Variants in ZNF716 observed in about 807,000 individuals in gnomAD.
ZNF716 encodes zinc finger protein 716.
In ZNF716, 9 loss-of-function variants were observed where a neutral mutation model predicts 13.4. The observed-to-expected ratio is 0.67, with a 90% confidence interval of 0.41 to 1.18. ZNF716 has a LOEUF of 1.18. Ranked by LOEUF, ZNF716 falls within the 50% of genes most tolerant of loss-of-function variation. The pLI, the probability that ZNF716 is intolerant of heterozygous loss-of-function variation, is 0.01. For missense variants in ZNF716, 581 were observed against 576.6 expected (o/e 1.01, Z -0.08); for synonymous variants, 186 against 195.2 (o/e 0.95, Z 0.39).
chr7:57,462,625 C>T (rs782682337), intron 2 of ZNF716, 39 bp downstream of exon 2: 1 of 1,548,478 alleles, frequency 6.5e-7, no homozygotes, highest in East Asian at 2.2e-5. Context: ...AATATATTGC[C>T]TTTCTCTCTT....
chr7:57,457,579 G>A (rs1373952751), intron 1 of ZNF716, among the ~76,000 whole-genome samples: 3 of 152,060 alleles, frequency 2.0e-5, no homozygotes, highest in African/African-American at 7.2e-5. Flanking sequence ...CCTGGCCTCA[G>A]GTGATCTGCC....
At position 57,470,191 on chromosome 7, in the gene ZNF716, G is replaced by T; in HGVS notation, c.*242G>T. ...TTTAAAAAAATTTTTTTGAGACAGA[G>T]TCTCACTTTGTCACCCAGGCTGGAG... On this transcript the variant is annotated 3_prime_UTR_variant, in exon 4 of 4. Transcript: ENST00000420713. The T allele has an allele frequency of 3.2e-6, 1 of 315,818 alleles. No individual in the cohort carries two copies. The highest frequency in any genetic ancestry group is 5.7e-6 in the Non-Finnish European group (1 of 176,934). 19.6% of individuals were successfully genotyped at this position (315,818 alleles called of 1,614,324 possible).
Position 57,468,707 on chromosome 7 carries a change from A to AT in ZNF716, c.263-12dup, listed in dbSNP as rs782683358. ...AGTGTAGTAAGTGGAGAAACTTGTG[A>AT]TTTTTATGTCTTTCAGTTACATGTT... On this transcript the variant is annotated splice_polypyrimidine_tract_variant and intron_variant, in intron 3 of 3. Transcript: ENST00000420713. 1 of 1,583,986 alleles carries AT rather than the reference A, an allele frequency of 6.3e-7. No homozygotes were observed. Among genetic ancestry groups the AT allele is most frequent in the East Asian group, 2.2e-5 (1 of 44,724 alleles).
At chr7:57,463,245 G>T in intron 3 of ZNF716, 77 bp downstream of exon 3, 1 of 1,572,286 alleles carries the variant, frequency 6.4e-7, no homozygotes, top group Non-Finnish European at 8.6e-7. Context: ...CTTAAAATGT[G>T]GTCTGGGGAG....
Position 57,468,922 on chromosome 7 carries a change from A to G in ZNF716, c.461A>G (p.Asn154Ser), listed in dbSNP as rs782557225. The G allele has an allele frequency of 1.7e-5, 28 of 1,612,580 alleles. No individual in the cohort carries two copies. The East Asian group carries it at 6.0e-4, about 35-fold the overall frequency. Reference protein sequence around the residue: ...YVNQCLSATQNKTFQTHKCVK... With the variant: ...YVNQCLSATQSKTFQTHKCVK... ...AACCAATGTTTGTCAGCTACCCAAA[A>G]CAAAACATTTCAGACTCATAAATGC... The change falls in exon 4 of 4, where the codon AAC (asparagine) becomes AGC (serine). Residue 154 changes from asparagine to serine, a missense_variant. By Grantham distance (46) the Asn-to-Ser change is conservative. Transcript: ENST00000420713.
Position 57,450,228 on chromosome 7 carries a change from G to A in ZNF716, c.-61G>A. Reference sequence around the variant, plus strand: ...CCAGTCCTTCTCTTCACTGCTCTGCGTCCTCTGCTCCTGGAGGCCAAGCCT... The same window carrying A: ...CCAGTCCTTCTCTTCACTGCTCTGCATCCTCTGCTCCTGGAGGCCAAGCCT... On this transcript the variant is annotated 5_prime_UTR_variant, in exon 1 of 4. Transcript: ENST00000420713. 1.2e-6 allele frequency: 2 copies of A among 1,611,230 alleles called. No homozygotes were observed. The highest frequency in any genetic ancestry group is 8.5e-7 in the Non-Finnish European group (1 of 1,178,184).
chr7:57,455,500 C>T (rs1554322111), intron 1 of ZNF716, among the ~76,000 whole-genome samples: 1 of 148,712 alleles, frequency 6.7e-6, no homozygotes, highest in Non-Finnish European at 1.5e-5. Flanking sequence ...GTGAAGACCA[C>T]AAAGGATGGA....
intron 3 of ZNF716, among the ~76,000 whole-genome samples, chr7:57,464,004 A>G (rs1554323611): frequency 1.3e-5 from 2 of 148,162 alleles, no homozygotes. Flanking sequence ...TTGTATTGTG[A>G]TTTTGTTTTG....
rs2116433247 is a variant in ZNF716 at position 57,473,508 on chromosome 7, A to G, written c.*3559A>G. 7.8e-6 allele frequency: 1 copy of G among 127,998 alleles called. No individual in the cohort carries two copies. The highest frequency in any genetic ancestry group is 3.0e-5 in the African/African-American group (1 of 33,584). The allele number at this position is 127,998 out of a possible 1,614,324, so 7.9% of individuals were successfully genotyped here. The stretch of plus-strand genomic sequence containing the variant: ...GCACTCCAGCCTGGGTGAAAGAGCG[A>G]GAAACCATCTCAAAAAAAAAAATAA... On this transcript the variant is annotated 3_prime_UTR_variant, in exon 4 of 4. Coordinates refer to ENST00000420713, the MANE Select transcript of ZNF716 (RefSeq NM_001159279.1).
Position 57,469,780 on chromosome 7 carries a change from A to C in ZNF716, c.1319A>C (p.Glu440Ala), listed in dbSNP as rs192253742. The change falls in exon 4 of 4, where the codon GAA (glutamate) becomes GCA (alanine). Residue 440 changes from glutamate to alanine, a missense_variant. Physicochemically the swap from Glu to Ala is moderately radical, Grantham distance 107. Coordinates refer to ENST00000420713, the MANE Select transcript of ZNF716 (RefSeq NM_001159279.1). ...GGAGAGAAACTCTACAAATGTAAAG[A>C]ATGTGGGAAAGCCTTTACCTTCTCC... ...HTGEKLYKCK[E>A]CGKAFTFSST... 778 of 1,608,674 alleles carry C rather than the reference A, an allele frequency of 4.8e-4. 3 individuals are homozygous for C. In the African/African-American group the frequency reaches 7.9e-3, roughly 16 times the overall value.
At chr7:57,468,547 G>T (rs1408864171) in intron 3 of ZNF716, among the ~76,000 whole-genome samples, 177 bp from the exon 4 acceptor site, 24 of 152,034 alleles carry the variant, frequency 1.6e-4, no homozygotes, top group African/African-American at 5.8e-4. Context: ...TTCCCACAAA[G>T]GTATTTTGAT....
Position 57,451,770 on chromosome 7 carries a change from C to CTT in ZNF716, c.39+1456_39+1457dup, listed in dbSNP as rs76825087. ...GCCTGCGTTTTTCAACTCTTTCTTT[C>CTT]TTTTTTTTTTTTTTGAGATGGAGTC... On this transcript the variant is annotated intron_variant, in intron 1 of 3. Coordinates refer to ENST00000420713, the MANE Select transcript of ZNF716 (RefSeq NM_001159279.1). 9.0e-3 allele frequency among the ~76,000 whole-genome samples: 1,219 copies of CTT among 136,120 alleles called. 16 individuals are homozygous for CTT. The highest frequency in any genetic ancestry group is 0.024 in the African/African-American group (876 of 36,778). The allele number at this position is 136,120 out of a possible 152,430, so 89.3% of individuals were successfully genotyped here. A position where few individuals can be genotyped will look rare whatever the true frequency, so the allele number is the denominator to read the frequency against.
intron 3 of ZNF716, among the ~76,000 whole-genome samples, chr7:57,464,223 A>G (rs1438206996): frequency 6.7e-6 from 1 of 148,452 alleles, no homozygotes; most frequent in Non-Finnish European, 1.5e-5. Flanking sequence ...CCACATCCAA[A>G]TGATTCGCCT....
At chr7:57,459,624 T>C (rs1472110148) in intron 1 of ZNF716, among the ~76,000 whole-genome samples, 1 of 152,120 alleles carries the variant, frequency 6.6e-6, no homozygotes, top group African/African-American at 2.4e-5. Context: ...AGGGCCAAGA[T>C]TACCAAGTGA....
intron 1 of ZNF716, 44 bp from the exon 2 acceptor site, chr7:57,462,416 G>C: frequency 1.3e-6 from 2 of 1,593,332 alleles, no homozygotes; most frequent in Non-Finnish European, 1.7e-6. Flanking sequence ...AACTGTTTGT[G>C]TGTTCATGAG....
At chr7:57,468,600 G>A (rs751177167) in intron 3 of ZNF716, 124 bp from the exon 4 acceptor site, 52 of 956,624 alleles carry the variant, frequency 5.4e-5, no homozygotes, top group Admixed American at 1.8e-4. Context: ...AAGGAATTAC[G>A]GCTTGTGGTA....
chr7:57,469,450 G>T lies in ZNF716; in HGVS notation c.989G>T (p.Gly330Val), dbSNP rs782787432. The T allele has an allele frequency of 1.2e-6, 2 of 1,613,802 alleles. No homozygotes were observed. The highest frequency in any genetic ancestry group is 1.7e-5 in the Admixed American group (1 of 59,916). ...GERPYKCEEC[G>V]KAFSLSSTLK... is the part of the protein sequence containing the mutation. ...AGACCCTACAAATGTGAAGAATGTG[G>T]CAAAGCCTTTAGCTTATCCTCAACC... Residue 330 changes from glycine (G) to valine (V), a missense_variant, in exon 4 of 4, where the codon GGC (glycine) becomes GTC (valine). Physicochemically the swap from Gly to Val is moderately radical, Grantham distance 109 (BLOSUM62 -3). Transcript: ENST00000420713.
chr7:57,456,839 G>C (rs1196473248), intron 1 of ZNF716, among the ~76,000 whole-genome samples: 1 of 152,150 alleles, frequency 6.6e-6, no homozygotes. Flanking sequence ...TGGATGTCTG[G>C]TAAGGGGAGT....
rs1178446400 is a variant in ZNF716 at position 57,460,600 on chromosome 7, C to T, written c.40-1860C>T. ...AGCCTTCTATACATTCTCTTCATCTCGGGTTCTTGTATCCATGCAGAATTC... is the reference window on the plus strand; with the variant it reads ...AGCCTTCTATACATTCTCTTCATCTTGGGTTCTTGTATCCATGCAGAATTC... On this transcript the variant is annotated intron_variant, in intron 1 of 3. Transcript: ENST00000420713. Among the ~76,000 whole-genome samples, 6 of 152,044 alleles carry T rather than the reference C, an allele frequency of 3.9e-5. No individual in the cohort carries two copies. In the South Asian group the frequency reaches 6.2e-4, roughly 16 times the overall value.
Sources: gnomAD v4.1 joint callset for allele counts (sites outside exome capture counted in the v4.1 genomes callset) on GRCh38, gnomAD v4.1.1 for gene constraint, MANE v1.5 for transcripts, NCBI Gene and HGNC (gene_info 2026-07-23, HGNC 2026-07-21) for gene names.